The following PEX3 variants were observed in gnomAD, a reference collection of about 807,000 sequenced individuals.
PEX3 encodes the protein peroxin-3.
A neutral mutation model predicts 55.8 loss-of-function variants in PEX3; 30 were observed. The observed-to-expected ratio is 0.54, with a 90% confidence interval of 0.40 to 0.73. PEX3 has a LOEUF of 0.73. Among genes scored for constraint, PEX3 ranks in the 30% least tolerant of loss-of-function variants. The pLI is 0.00. For synonymous variants in PEX3, 135 were observed against 148.4 expected (o/e 0.91, Z 0.66); for missense variants, 351 against 432.8 (o/e 0.81, Z 1.68).
At position 143,464,635 on chromosome 6, in the gene PEX3, A is replaced by G. The variant is rs1447017554; in HGVS notation, c.287+1638A>G. On this transcript the variant is annotated intron_variant, in intron 3 of 11. Coordinates refer to ENST00000367591, the MANE Select transcript of PEX3 (RefSeq NM_003630.3). This position sits in a 1 kb window ranked among gnomAD's most constrained non-coding sequence, Gnocchi z 5.8. Reference sequence around the variant, plus strand: ...AGGTGGGCCACAGTTCTCCTCATTCAGTTTCCTCTTTAAATATCTCAATGT... The same window carrying G: ...AGGTGGGCCACAGTTCTCCTCATTCGGTTTCCTCTTTAAATATCTCAATGT... Among the ~76,000 whole-genome samples, 1 of 151,888 alleles carries G rather than the reference A, an allele frequency of 6.6e-6. No homozygotes were observed. Among genetic ancestry groups the G allele is most frequent in the East Asian group, 1.9e-4 (1 of 5,198 alleles).
rs1227402105 is a variant in PEX3 at position 143,454,097 on chromosome 6, AAATT to A, written c.73+2986_73+2989del. ...TATTAACATACATAACATTTTCAAA[AAATT>A]AATGAGTGTCATTGTTTTACATTTT... On this transcript the variant is annotated intron_variant, in intron 1 of 11. Coordinates refer to ENST00000367591, the MANE Select transcript of PEX3 (RefSeq NM_003630.3). This position sits in a 1 kb window ranked among gnomAD's most constrained non-coding sequence, Gnocchi z 4.3. Among the ~76,000 whole-genome samples, 11 of 152,324 alleles carry A rather than the reference AAATT, an allele frequency of 7.2e-5. No homozygotes were observed. Among genetic ancestry groups the A allele is most frequent in the Admixed American group, 5.2e-4 (8 of 15,308 alleles).
chr6:143,456,223 A>G (rs567718816), intron 1 of PEX3, among the ~76,000 whole-genome samples: 59 of 152,214 alleles, frequency 3.9e-4, no homozygotes, highest in Non-Finnish European at 8.4e-4. Flanking sequence ...TCACATAACT[A>G]CTTGATACCA....
intron 10 of PEX3, 186 bp from the exon 11 acceptor site, chr6:143,484,966 A>G: frequency 1.7e-6 from 1 of 571,990 alleles, no homozygotes; most frequent in Non-Finnish European, 3.1e-6. Flanking sequence ...AAAAAACGCC[A>G]AAAGAAATTG....
In PEX3 at chr6:143,454,006, G is replaced by T. The variant is rs940440268; in HGVS notation, c.73+2891G>T. ...AAATTTTATATCTATTAATAGTTAT[G>T]ATATTCAAAATTAAAATGAAATTTT... On this transcript the variant is annotated intron_variant, in intron 1 of 11. Transcript: ENST00000367591. The surrounding 1 kb of genome is among the most constrained non-coding windows in gnomAD (Gnocchi z 4.3). Among the ~76,000 whole-genome samples, 18 of 151,244 alleles carry T rather than the reference G, an allele frequency of 1.2e-4. No individual in the cohort carries two copies. Among genetic ancestry groups the T allele is most frequent in the Non-Finnish European group, 2.1e-4 (14 of 67,858 alleles).
intron 9 of PEX3, among the ~76,000 whole-genome samples, chr6:143,478,729 A>G (rs1562656783): frequency 6.6e-6 from 1 of 152,084 alleles, no homozygotes; most frequent in African/African-American, 2.4e-5. Context: ...TTTCTGTCTC[A>G]CTGAAATATC....
rs1005263678 is a variant in PEX3 at position 143,488,295 on chromosome 6, G to A, written c.1039-848G>A. Among the ~76,000 whole-genome samples, 22 of 151,996 alleles carry A rather than the reference G, an allele frequency of 1.4e-4. No homozygotes were observed. Among genetic ancestry groups the A allele is most frequent in the Admixed American group, 1.1e-3 (16 of 15,238 alleles). On this transcript the variant is annotated intron_variant, in intron 11 of 11. Coordinates refer to ENST00000367591, the MANE Select transcript of PEX3 (RefSeq NM_003630.3). The surrounding 1 kb of genome is among the most constrained non-coding windows in gnomAD (Gnocchi z 4.9). ...CTATCATGGACCCTTTCACAGACTG[G>A]TGAAGCCTATGGACCCCTTCTCAGA...
Position 143,462,474 on chromosome 6 carries a change from T to C in PEX3, c.206-442T>C, listed in dbSNP as rs756932613. 6.6e-6 allele frequency among the ~76,000 whole-genome samples: 1 copy of C among 152,120 alleles called. No homozygotes were observed. Among genetic ancestry groups the C allele is most frequent in the South Asian group, 2.1e-4 (1 of 4,828 alleles). Reference sequence around the variant, plus strand: ...TAGTATTTAATAAACTTTTTAAAAATTAGAATGAAAAATGAAGGAAAAAGT... The same window carrying C: ...TAGTATTTAATAAACTTTTTAAAAACTAGAATGAAAAATGAAGGAAAAAGT... On this transcript the variant is annotated intron_variant, in intron 2 of 11. Coordinates refer to ENST00000367591, the MANE Select transcript of PEX3 (RefSeq NM_003630.3). This position sits in a 1 kb window ranked among gnomAD's most constrained non-coding sequence, Gnocchi z 4.1.
Position 143,450,950 on chromosome 6 carries a change from C to T in PEX3, c.-93C>T, listed in dbSNP as rs1161588322. 8.2e-6 allele frequency: 8 copies of T among 970,708 alleles called. No homozygotes were observed. The highest frequency in any genetic ancestry group is 1.4e-5 in the Non-Finnish European group (8 of 591,994). 60.1% of individuals were successfully genotyped at this position (970,708 alleles called of 1,614,324 possible). A position where few individuals can be genotyped will look rare whatever the true frequency, so the allele number is the denominator to read the frequency against. ...GAGCACAGAACGGGACGACGGCGCT[C>T]TTGCTGGGTCATCTGGGCCAGGTGA... On this transcript the variant is annotated 5_prime_UTR_variant, in exon 1 of 12. Coordinates refer to ENST00000367591, the MANE Select transcript of PEX3 (RefSeq NM_003630.3).
At position 143,453,279 on chromosome 6, in the gene PEX3, C is replaced by T. The variant is rs1051567837; in HGVS notation, c.73+2164C>T. Among the ~76,000 whole-genome samples the T allele has an allele frequency of 2.8e-4, 43 of 152,260 alleles. No homozygotes were observed. Among genetic ancestry groups the T allele is most frequent in the African/African-American group, 1.0e-3 (42 of 41,558 alleles). ...AGGAAGAATTTCATGGAAGAAGAGACACATTTTGACAGGCTTGAAAGCTGG... is the reference window on the plus strand; with the variant it reads ...AGGAAGAATTTCATGGAAGAAGAGATACATTTTGACAGGCTTGAAAGCTGG... On this transcript the variant is annotated intron_variant, in intron 1 of 11. Coordinates refer to ENST00000367591, the MANE Select transcript of PEX3 (RefSeq NM_003630.3). This position sits in a 1 kb window ranked among gnomAD's most constrained non-coding sequence, Gnocchi z 4.6.
At chr6:143,460,079 C>G (rs1779899313) in intron 2 of PEX3, among the ~76,000 whole-genome samples, 1 of 152,176 alleles carries the variant, frequency 6.6e-6, no homozygotes, top group Non-Finnish European at 1.5e-5. Flanking sequence ...TTACTCATTT[C>G]TCTAACATTC....
In PEX3 at chr6:143,466,585, A is replaced by G. The variant is rs1039099681; in HGVS notation, c.288-1537A>G. On this transcript the variant is annotated intron_variant, in intron 3 of 11. Transcript: ENST00000367591. This position sits in a 1 kb window ranked among gnomAD's most constrained non-coding sequence, Gnocchi z 5.4. ...ATATATGTATAGGATAAAACATAGT[A>G]TATGTAGGGGTTGGTACTATCTTCA... 6.6e-6 allele frequency among the ~76,000 whole-genome samples: 1 copy of G among 152,074 alleles called. No homozygotes were observed. Among genetic ancestry groups the G allele is most frequent in the Non-Finnish European group, 1.5e-5 (1 of 67,946 alleles).
intron 4 of PEX3, among the ~76,000 whole-genome samples, chr6:143,470,115 A>G (rs1242852327): frequency 6.6e-6 from 1 of 151,926 alleles, no homozygotes; most frequent in African/African-American, 2.4e-5. Flanking sequence ...ATGCCCAGCT[A>G]ATTTTTGTAT....
chr6:143,474,534 A>C (rs575268556), intron 8 of PEX3, among the ~76,000 whole-genome samples: 1 of 152,076 alleles, frequency 6.6e-6, no homozygotes, highest in Non-Finnish European at 1.5e-5. Context: ...CTAGAAATCT[A>C]TCCAAGAAGG....
In PEX3 at chr6:143,475,286, G is replaced by A. The variant is rs1393354529; in HGVS notation, c.818+430G>A. Among the ~76,000 whole-genome samples, 1 of 152,150 alleles carries A rather than the reference G, an allele frequency of 6.6e-6. No homozygotes were observed. The highest frequency in any genetic ancestry group is 6.5e-5 in the Admixed American group (1 of 15,274). On this transcript the variant is annotated intron_variant, in intron 9 of 11. Coordinates refer to ENST00000367591, the MANE Select transcript of PEX3 (RefSeq NM_003630.3). The surrounding 1 kb of genome is among the most constrained non-coding windows in gnomAD (Gnocchi z 4.4). ...CTTTGCTCACATGACTTTCATGACAGTATAATCTATATTTTTCTCCCACCT... is the reference window on the plus strand; with the variant it reads ...CTTTGCTCACATGACTTTCATGACAATATAATCTATATTTTTCTCCCACCT...
rs774853386 is a variant in PEX3 at position 143,485,284 on chromosome 6, A to G, written c.1038+36A>G. 2.0e-5 allele frequency: 22 copies of G among 1,118,964 alleles called. No individual in the cohort carries two copies. The East Asian group carries it at 5.2e-4, about 26-fold the overall frequency. 69.3% of individuals were successfully genotyped at this position (1,118,964 alleles called of 1,614,324 possible). ...AGCTTGGGAGTGTTATTAAAAGCAA[A>G]TTATATTTGTGGTGGTGGTCATGTT... On this transcript the variant is annotated intron_variant, in intron 11 of 11. Coordinates refer to ENST00000367591, the MANE Select transcript of PEX3 (RefSeq NM_003630.3). The surrounding 1 kb of genome is among the most constrained non-coding windows in gnomAD (Gnocchi z 5.6).
rs1291159507 is a variant in PEX3, at chr6:143,475,433, C to T, written c.818+577C>T. 6.6e-6 allele frequency among the ~76,000 whole-genome samples: 1 copy of T among 152,174 alleles called. No individual in the cohort carries two copies. Among genetic ancestry groups the T allele is most frequent in the Non-Finnish European group, 1.5e-5 (1 of 68,038 alleles). ...TTGAGTGGCCGAGGCAGGTAGATTG[C>T]TTGAGCCTAGGAGTTCAAGACCAGC... On this transcript the variant is annotated intron_variant, in intron 9 of 11. Transcript: ENST00000367591. The surrounding 1 kb of genome is among the most constrained non-coding windows in gnomAD (Gnocchi z 4.4).
rs1221094856 is a variant in PEX3, at chr6:143,471,609, A to G, written c.576A>G (p.Gly192=). 6.2e-7 allele frequency: 1 copy of G among 1,609,182 alleles called. No homozygotes were observed. Among genetic ancestry groups the G allele is most frequent in the Non-Finnish European group, 8.5e-7 (1 of 1,176,160 alleles). The change falls in exon 7 of 12, where the codon GGA becomes GGG. Residue 192 remains glycine (G), a splice_region_variant and synonymous_variant. Transcript: ENST00000367591. The surrounding 1 kb of genome is among the most constrained non-coding windows in gnomAD (Gnocchi z 5.4). ...AACAAGCTGTGCAGAAGGTTTTAGG[A>G]AGGTAAGGCATTTTTCTTTGACTTT... ...VIKQAVQKVL[G]SVSLKHSLSL...
At position 143,464,857 on chromosome 6, in the gene PEX3, G is replaced by A. The variant is rs1779972245; in HGVS notation, c.287+1860G>A. On this transcript the variant is annotated intron_variant, in intron 3 of 11. Coordinates refer to ENST00000367591, the MANE Select transcript of PEX3 (RefSeq NM_003630.3). The surrounding 1 kb of genome is among the most constrained non-coding windows in gnomAD (Gnocchi z 5.8). Reference sequence around the variant, plus strand: ...GACTCTGGTCTCATATAAGCCTGTTGAGCAAGTTTTTTTTTCTTTAAACTA... The same window carrying A: ...GACTCTGGTCTCATATAAGCCTGTTAAGCAAGTTTTTTTTTCTTTAAACTA... 6.6e-6 allele frequency among the ~76,000 whole-genome samples: 1 copy of A among 151,544 alleles called. No individual in the cohort carries two copies. The highest frequency in any genetic ancestry group is 2.1e-4 in the South Asian group (1 of 4,812).
Position 143,471,216 on chromosome 6 carries a change from TA to T in PEX3, c.456+132del. 9.8e-7 allele frequency: 1 copy of T among 1,017,936 alleles called. No homozygotes were observed. Among genetic ancestry groups the T allele is most frequent in the Non-Finnish European group, 1.5e-6 (1 of 673,538 alleles). 63.1% of individuals were successfully genotyped at this position (1,017,936 alleles called of 1,614,324 possible). A position where few individuals can be genotyped will look rare whatever the true frequency, so the allele number is the denominator to read the frequency against. On this transcript the variant is annotated intron_variant, in intron 5 of 11. Transcript: ENST00000367591. This position sits in a 1 kb window ranked among gnomAD's most constrained non-coding sequence, Gnocchi z 5.4. ...TCATGTGATTGTGAACTTTTAGTAT[TA>T]TGAATAATTTTTATATGTTGAAACT... is the stretch of plus-strand genomic sequence containing the variant.
Sources: allele counts gnomAD v4.1 joint callset (sites outside exome capture counted in the v4.1 genomes callset), GRCh38; gene constraint gnomAD v4.1.1; non-coding constraint Gnocchi (gnomAD v3.1); transcripts MANE v1.5; gene names NCBI Gene and HGNC (gene_info 2026-07-23, HGNC 2026-07-21).